LRRC38: variants seen among roughly 807,000 people sequenced by gnomAD.
LRRC38 encodes leucine rich repeat containing 38, also known as leucine-rich repeat-containing protein 38.
A neutral mutation model predicts 16.4 loss-of-function variants in LRRC38; 5 were observed. The ratio of observed to expected loss-of-function variants is 0.31; its 90% CI spans 0.16 to 0.64. The LOEUF is 0.64. LRRC38 is among the 30% of genes least tolerant of loss of function. The pLI is 0.80. For missense variants in LRRC38, 341 were observed against 401.8 expected (o/e 0.85, Z 1.29); for synonymous variants, 191 against 190.2 (o/e 1.00, Z -0.04).
chr1:13,485,622 C>T (rs1048335119), intron 1 of LRRC38, among the ~76,000 whole-genome samples: 29 of 152,078 alleles, frequency 1.9e-4, no homozygotes, highest in African/African-American at 6.8e-4. Context: ...GACACTAAGA[C>T]CCAGAGGGTC....
intron 1 of LRRC38, among the ~76,000 whole-genome samples, chr1:13,482,137 A>AAAGGAAGGAAGGGAAGATGG (rs1638877275): frequency 6.6e-6 from 1 of 152,110 alleles, no homozygotes; most frequent in Non-Finnish European, 1.5e-5. Context: ...GCAGGATACA[A>AAAGGAAGGAAGGGAAGATGG]AAGGAAGGAA....
Position 13,513,372 on chromosome 1 carries a change from G to A in LRRC38, c.222C>T (p.Asp74=). ...CCAGGTCGCCGTAGAAGATGAAGAA[G>A]TCCTCGGGGATCCGCTGGATGCGGT... ...AGNRIQRIPE[D]FFIFYGDLVY... The change falls in exon 1 of 2, where the codon GAC becomes GAT. Residue 74 remains aspartate, a synonymous_variant. Coordinates refer to ENST00000376085, the MANE Select transcript of LRRC38 (RefSeq NM_001010847.2). 2 of 1,550,766 alleles carry A rather than the reference G, an allele frequency of 1.3e-6. No homozygotes were observed. Among genetic ancestry groups the A allele is most frequent in the Non-Finnish European group, 1.7e-6 (2 of 1,147,000 alleles).
intron 1 of LRRC38, among the ~76,000 whole-genome samples, chr1:13,496,011 G>C (rs563327860): frequency 6.6e-6 from 1 of 152,076 alleles, no homozygotes; most frequent in South Asian, 2.1e-4. Context: ...CTAATGAACA[G>C]GAAACCCAGG....
chr1:13,499,149 T>C (rs1188678072), intron 1 of LRRC38, among the ~76,000 whole-genome samples: 1 of 151,974 alleles, frequency 6.6e-6, no homozygotes, highest in Admixed American at 6.6e-5. Flanking sequence ...CAGGCTGGAG[T>C]ACAGTGGCAT....
chr1:13,489,506 G>C (rs1638982380), intron 1 of LRRC38, among the ~76,000 whole-genome samples: 2 of 151,852 alleles, frequency 1.3e-5, no homozygotes, highest in African/African-American at 2.4e-5. Flanking sequence ...GCCACTTGGA[G>C]TCTGGACTGG....
intron 1 of LRRC38, among the ~76,000 whole-genome samples, chr1:13,478,094 CTGAT>C (rs1638809305): frequency 2.6e-5 from 4 of 152,194 alleles, no homozygotes; most frequent in African/African-American, 9.6e-5. Context: ...ATCATCCTGA[CTGAT>C]ACACAATACG....
In LRRC38 at chr1:13,513,487, T is replaced by G. The variant is rs1639301724; in HGVS notation, c.107A>C (p.Asp36Ala). 4 of 1,536,076 alleles carry G rather than the reference T, an allele frequency of 2.6e-6. No homozygotes were observed. Among genetic ancestry groups the G allele is most frequent in the Middle Eastern group, 3.6e-4 (2 of 5,542 alleles). Residue 36 changes from aspartate (D) to alanine (A), a missense_variant, in exon 1 of 2, where the codon GAC becomes GCC. Transcript: ENST00000376085. ...GTCGCGGCAGTCCACGGTGTGCGGG[T>G]CGGTGCAGGCGCAGCCCGCGGGGCA... ...HACPAGCACT[D>A]PHTVDCRDRG...
intron 1 of LRRC38, among the ~76,000 whole-genome samples, chr1:13,510,986 T>C (rs1191861768): frequency 2.0e-5 from 3 of 152,198 alleles, no homozygotes; most frequent in Admixed American, 6.5e-5. Context: ...GAGCTGCTCA[T>C]GGCACTGCAC....
intron 1 of LRRC38, among the ~76,000 whole-genome samples, chr1:13,508,996 G>A (rs142753123): frequency 1.4e-3 from 214 of 152,254 alleles, no homozygotes; most frequent in African/African-American, 4.9e-3. Flanking sequence ...TAGACAGGAT[G>A]TTATCTTCAG....
chr1:13,509,761 T>C (rs1239755870), intron 1 of LRRC38, among the ~76,000 whole-genome samples: 1 of 152,056 alleles, frequency 6.6e-6, no homozygotes, highest in Non-Finnish European at 1.5e-5. Context: ...ACGGTCCTCC[T>C]ACCTACACTC....
intron 1 of LRRC38, among the ~76,000 whole-genome samples, chr1:13,490,016 T>C (rs1164673523): frequency 6.6e-6 from 1 of 152,138 alleles, no homozygotes; most frequent in African/African-American, 2.4e-5. Context: ...CATGCTAGCC[T>C]GAGTCCCACC....
chr1:13,484,665 T>C (rs925635327), intron 1 of LRRC38, among the ~76,000 whole-genome samples: 9 of 152,252 alleles, frequency 5.9e-5, no homozygotes, highest in African/African-American at 1.9e-4. Flanking sequence ...GTTTTCATGC[T>C]TTCCTCTCTT....
chr1:13,484,603 A>G (rs1366337459), intron 1 of LRRC38, among the ~76,000 whole-genome samples: 2 of 152,104 alleles, frequency 1.3e-5, no homozygotes, highest in African/African-American at 2.4e-5. Flanking sequence ...CTTTCCCCCA[A>G]ATTCACCAGC....
intron 1 of LRRC38, among the ~76,000 whole-genome samples, chr1:13,483,924 A>C (rs1186100550): frequency 1.0e-4 from 8 of 78,564 alleles, no homozygotes; most frequent in Admixed American, 7.2e-4. Flanking sequence ...CAGAGAGGAG[A>C]GGAGTGGGGA....
chr1:13,500,015 C>G (rs1030677991), intron 1 of LRRC38, among the ~76,000 whole-genome samples: 2 of 151,106 alleles, frequency 1.3e-5, no homozygotes, highest in Non-Finnish European at 3.0e-5. Context: ...CTTTGGGAGG[C>G]CGAGGCAGGC....
chr1:13,482,579 C>T (rs574109666), intron 1 of LRRC38, among the ~76,000 whole-genome samples: 390 of 108,152 alleles, frequency 3.6e-3, no homozygotes, highest in Admixed American at 5.5e-3. Context: ...GACTCCATCT[C>T]GGAAAAAAAA....
At chr1:13,502,960 AGGAGG>A (rs1040774650) in intron 1 of LRRC38, among the ~76,000 whole-genome samples, 4 of 152,192 alleles carry the variant, frequency 2.6e-5, no homozygotes, top group South Asian at 2.1e-4. Context: ...CAATAACTCA[AGGAGG>A]GAAGTATTCT....
chr1:13,503,464 T>C (rs1228585795), intron 1 of LRRC38, among the ~76,000 whole-genome samples: 1 of 152,166 alleles, frequency 6.6e-6, no homozygotes, highest in African/African-American at 2.4e-5. Flanking sequence ...AGACGGGGTT[T>C]CACCATGTTA....
chr1:13,501,027 A>G (rs1353891939), intron 1 of LRRC38, among the ~76,000 whole-genome samples: 1 of 152,170 alleles, frequency 6.6e-6, no homozygotes. Context: ...GTCAAAACCC[A>G]TGGAACATGC....
Sources: allele counts gnomAD v4.1 joint callset (sites outside exome capture counted in the v4.1 genomes callset), GRCh38; gene constraint gnomAD v4.1.1; transcripts MANE v1.5; gene names NCBI Gene and HGNC (gene_info 2026-07-23, HGNC 2026-07-21).